Variants in TFCP2L1 observed in about 807,000 individuals in gnomAD.
TFCP2L1 encodes the protein transcription factor CP2-like protein 1.
TFCP2L1 carries 12 observed loss-of-function variants against 72.2 expected under a neutral mutation model. The observed-to-expected ratio is 0.17, with a 90% CI of 0.11 to 0.27. The LOEUF (loss-of-function observed/expected upper bound fraction) is 0.27, where lower values mean the gene tolerates loss of function less well. Ranked by LOEUF, TFCP2L1 falls within the 10% of genes least tolerant of loss-of-function variation. The pLI is 1.00. For missense variants in TFCP2L1, 488 were observed against 624.6 expected, an observed-to-expected ratio of 0.78 and a Z score of 2.33; for synonymous variants, 260 against 251.0, an observed-to-expected ratio of 1.04 and a Z score of -0.34.
intron 2 of TFCP2L1, among the ~76,000 whole-genome samples, chr2:121,253,540 G>A (rs138066175): frequency 6.6e-6 from 1 of 152,126 alleles, no homozygotes; most frequent in Non-Finnish European, 1.5e-5. Flanking sequence ...CCTAGCATGA[G>A]GCCCAATGTC....
In TFCP2L1 at chr2:121,217,336, A is replaced by C. The variant is rs1257110777; in HGVS notation, c.*7005T>G. 6.6e-6 allele frequency: 1 copy of C among 152,308 alleles called. No individual in the cohort carries two copies. The highest frequency in any genetic ancestry group is 1.9e-4 in the East Asian group (1 of 5,188). The allele number at this position is 152,308 out of a possible 1,614,324, so 9.4% of individuals were successfully genotyped here. On this transcript the variant is annotated 3_prime_UTR_variant, in exon 15 of 15. Transcript: ENST00000263707. ...TGTTACTCACGAAGAAAGGAACTGC[A>C]GTGGCTGCTGTCTGCCCCTGGAGTG... is the stretch of plus-strand genomic sequence containing the variant.
intron 2 of TFCP2L1, among the ~76,000 whole-genome samples, chr2:121,261,992 A>G (rs1436327036): frequency 2.0e-5 from 3 of 152,130 alleles, no homozygotes; most frequent in Admixed American, 6.5e-5. Context: ...AAAAACATCA[A>G]GCAGACTCAA....
chr2:121,256,043 C>A (rs760854072), intron 2 of TFCP2L1, among the ~76,000 whole-genome samples: 17 of 152,128 alleles, frequency 1.1e-4, no homozygotes, highest in Admixed American at 3.3e-4. Context: ...GCCCGGCCCC[C>A]CTGAACTTCT....
chr2:121,262,152 T>C (rs1686839198), intron 2 of TFCP2L1, among the ~76,000 whole-genome samples: 1 of 152,114 alleles, frequency 6.6e-6, no homozygotes, highest in Admixed American at 6.6e-5. Flanking sequence ...TCGTCTCTTA[T>C]TTATTAAAAA....
Position 121,236,266 on chromosome 2 carries a change from C to G in TFCP2L1, c.1004-955G>C, listed in dbSNP as rs377558549. Among the ~76,000 whole-genome samples, 39 of 152,248 alleles carry G rather than the reference C, an allele frequency of 2.6e-4. 1 individual carries two copies. The East Asian group carries it at 7.4e-3, about 29-fold the overall frequency. On this transcript the variant is annotated intron_variant, in intron 10 of 14. Transcript: ENST00000263707. ...GGTGCGTGTCTGCCGGGTCTAGCCCCGGAGAGGGCTGCGGGATCACAGGGT... is the reference window on the plus strand; with the variant it reads ...GGTGCGTGTCTGCCGGGTCTAGCCCGGGAGAGGGCTGCGGGATCACAGGGT...
intron 2 of TFCP2L1, among the ~76,000 whole-genome samples, chr2:121,270,847 C>A (rs986371133): frequency 6.6e-6 from 1 of 150,428 alleles, no homozygotes; most frequent in Non-Finnish European, 1.5e-5. Flanking sequence ...CCAGCCTGGG[C>A]AACAGAGCTA....
intron 7 of TFCP2L1, 50 bp from the exon 8 acceptor site, chr2:121,239,699 G>A (rs747808340): frequency 7.7e-5 from 120 of 1,555,404 alleles, no homozygotes; most frequent in Middle Eastern, 1.7e-4. Flanking sequence ...GCGCTGAGCC[G>A]TGCTCCCCAG....
intron 2 of TFCP2L1, among the ~76,000 whole-genome samples, chr2:121,267,750 C>T (rs1686961798): frequency 1.3e-5 from 2 of 152,210 alleles, no homozygotes; most frequent in African/African-American, 4.8e-5. Flanking sequence ...CTGCCTTGGC[C>T]TCCCAAAGTG....
intron 2 of TFCP2L1, among the ~76,000 whole-genome samples, chr2:121,250,724 A>T (rs1686591794): frequency 6.7e-6 from 1 of 150,246 alleles, no homozygotes. Context: ...CTCCTGCCTC[A>T]GCCTCCTGAG....
At chr2:121,253,216 C>A (rs1168152985) in intron 2 of TFCP2L1, among the ~76,000 whole-genome samples, 1 of 152,220 alleles carries the variant, frequency 6.6e-6, no homozygotes, top group Non-Finnish European at 1.5e-5. Context: ...TGCCAGTGAA[C>A]ACTTCTTGAC....
Position 121,235,274 on chromosome 2 carries a change from G to A in TFCP2L1, c.1041C>T (p.Val347=). The change falls in exon 11 of 15, where the codon GTC becomes GTT. Residue 347 remains valine, a synonymous_variant. Transcript: ENST00000263707. ...DLLKMSRDDL[V]QICGPADGIR... Reference sequence around the variant, plus strand: ...TCCCATCTGCGGGACCACAGATCTGGACCAAATCATCTCGGGACATCTTCA... The same window carrying A: ...TCCCATCTGCGGGACCACAGATCTGAACCAAATCATCTCGGGACATCTTCA... 1 of 1,614,090 alleles carries A rather than the reference G, an allele frequency of 6.2e-7. No homozygotes were observed. Among genetic ancestry groups the A allele is most frequent in the South Asian group, 1.1e-5 (1 of 91,060 alleles).
Position 121,237,635 on chromosome 2 carries a change from C to T in TFCP2L1, c.991G>A (p.Ala331Thr), listed in dbSNP as rs777767801. 8.7e-6 allele frequency: 14 copies of T among 1,614,056 alleles called. No homozygotes were observed. The highest frequency in any genetic ancestry group is 2.7e-5 in the African/African-American group (2 of 74,942). The change falls in exon 10 of 15, where the codon GCC (alanine) becomes ACC (threonine). Residue 331 changes from alanine (A) to threonine (T), a missense_variant. Around this residue, in one of 3 missense-constraint regions of TFCP2L1, gnomAD observed 286 missense variants for 329.0 expected, o/e 0.87. Transcript: ENST00000263707. ...CGGAGATGCTCACCTGAGAAGCTGGCAAAGAGCCGGCAGAACTGCGAGAAC... is the reference window on the plus strand; with the variant it reads ...CGGAGATGCTCACCTGAGAAGCTGGTAAAGAGCCGGCAGAACTGCGAGAAC... Reference protein sequence around the residue: ...NRFSQFCRLFASFSGADLLKM... With the variant: ...NRFSQFCRLFTSFSGADLLKM...
At chr2:121,249,747 G>C in intron 2 of TFCP2L1, 100 bp from the exon 3 acceptor site, 1 of 1,196,628 alleles carries the variant, frequency 8.4e-7, no homozygotes, top group South Asian at 1.3e-5. Context: ...GCCCATCCAG[G>C]CCTCAAGGCC....
chr2:121,254,141 C>T (rs546785327), intron 2 of TFCP2L1, among the ~76,000 whole-genome samples: 28 of 152,284 alleles, frequency 1.8e-4, no homozygotes, highest in African/African-American at 6.0e-4. Flanking sequence ...CTCATCACTG[C>T]GCTGTCTGCA....
At chr2:121,233,955 T>C in intron 12 of TFCP2L1, 136 bp downstream of exon 12, 2 of 775,300 alleles carry the variant, frequency 2.6e-6, no homozygotes, top group Non-Finnish European at 4.3e-6. Flanking sequence ...TAGGCTGCCC[T>C]TTCCACGTGT....
intron 13 of TFCP2L1, among the ~76,000 whole-genome samples, chr2:121,230,179 T>G (rs922401109): frequency 2.6e-5 from 4 of 152,140 alleles, no homozygotes; most frequent in Admixed American, 2.6e-4. Context: ...GTTTGCTTTG[T>G]TTTGTTTTTG....
intron 1 of TFCP2L1, among the ~76,000 whole-genome samples, chr2:121,283,023 G>A (rs373488245): frequency 4.5e-4 from 69 of 152,254 alleles, no homozygotes; most frequent in African/African-American, 1.4e-3. Context: ...CTCCCAGCCC[G>A]GGTGGTTCTC....
intron 5 of TFCP2L1, among the ~76,000 whole-genome samples, chr2:121,247,337 C>T (rs912897290): frequency 6.6e-6 from 1 of 152,114 alleles, no homozygotes; most frequent in Non-Finnish European, 1.5e-5. Context: ...GCCCTAACCC[C>T]TCTCTAATGT....
At chr2:121,274,834 T>C (rs1687113551) in intron 2 of TFCP2L1, among the ~76,000 whole-genome samples, 1 of 151,866 alleles carries the variant, frequency 6.6e-6, no homozygotes, top group Non-Finnish European at 1.5e-5. Context: ...CCCAGCTACT[T>C]GAGAGGCTGA....
Sources: gnomAD v4.1 joint callset for allele counts (sites outside exome capture counted in the v4.1 genomes callset) on GRCh38, gnomAD v4.1.1 for gene constraint, gnomAD v4.1.1 regional missense constraint, MANE v1.5 for transcripts, NCBI Gene and HGNC (gene_info 2026-07-23, HGNC 2026-07-21) for gene names.